The following LRRC1 variants were observed in gnomAD, a reference collection of about 807,000 sequenced individuals.
The protein encoded by LRRC1 is leucine rich repeat containing 1, also known as leucine-rich repeat-containing protein 1.
LRRC1 carries 28 observed loss-of-function variants against 69.9 expected under a neutral mutation model. That is an observed-to-expected ratio of 0.40 (90% CI 0.30 to 0.55). The LOEUF is 0.55. Among genes scored for constraint, LRRC1 ranks in the 20% least tolerant of loss-of-function variants. The pLI, the probability that LRRC1 is intolerant of heterozygous loss-of-function variation, is 0.47. For synonymous variants in LRRC1, 236 were observed against 240.2 expected (o/e 0.98, Z 0.16); for missense variants, 498 against 609.0 (o/e 0.82, Z 1.92).
At chr6:53,894,605 G>T (rs899083971) in intron 4 of LRRC1, among the ~76,000 whole-genome samples, 3 of 152,174 alleles carry the variant, frequency 2.0e-5, no homozygotes, top group Admixed American at 6.5e-5. Context: ...AAATTTAAAT[G>T]TGAAAATAGC....
At chr6:53,829,337 T>C (rs906158296) in intron 1 of LRRC1, among the ~76,000 whole-genome samples, 2 of 152,218 alleles carry the variant, frequency 1.3e-5, no homozygotes, top group Non-Finnish European at 2.9e-5. Context: ...CCTGGCCTAA[T>C]GTCTGGCACT....
chr6:53,874,158 G>A (rs1329814443), intron 2 of LRRC1, among the ~76,000 whole-genome samples: 1 of 152,194 alleles, frequency 6.6e-6, no homozygotes. Flanking sequence ...AAATAGACCT[G>A]TAGTGGTGGG....
At chr6:53,896,167 G>C (rs1040512215) in intron 4 of LRRC1, among the ~76,000 whole-genome samples, 11 of 152,332 alleles carry the variant, frequency 7.2e-5, no homozygotes, top group African/African-American at 2.6e-4. Context: ...TTCAGCTTCT[G>C]TCTCAGTCCT....
intron 2 of LRRC1, among the ~76,000 whole-genome samples, chr6:53,864,600 C>T (rs1766635910): frequency 1.3e-5 from 2 of 152,142 alleles, no homozygotes; most frequent in Non-Finnish European, 2.9e-5. Flanking sequence ...GCTTCTGCAT[C>T]TGTTAATGGG....
At chr6:53,898,739 G>C (rs1294699511) in intron 7 of LRRC1, among the ~76,000 whole-genome samples, 1 of 152,212 alleles carries the variant, frequency 6.6e-6, no homozygotes, top group African/African-American at 2.4e-5. Context: ...CCTGAAATTA[G>C]TATAAATCTA....
rs777989930 is a variant in LRRC1, at chr6:53,795,312, A to G, written c.56A>G (p.Lys19Arg). 6 of 1,613,370 alleles carry G rather than the reference A, an allele frequency of 3.7e-6. No homozygotes were observed. Among genetic ancestry groups the G allele is most frequent in the South Asian group, 3.3e-5 (3 of 91,040 alleles). Reference sequence around the variant, plus strand: ...AACCGTCATGTGGAGAGCATCGACAAGCGCCACTGCTCGCTGGTCTACGTC... The same window carrying G: ...AACCGTCATGTGGAGAGCATCGACAGGCGCCACTGCTCGCTGGTCTACGTC... Reference protein sequence around the residue: ...RCNRHVESIDKRHCSLVYVPE... With the variant: ...RCNRHVESIDRRHCSLVYVPE... Residue 19 changes from lysine to arginine, a missense_variant, in exon 1 of 14, where the codon AAG becomes AGG. Lys to Arg is a conservative substitution (Grantham distance 26). This residue lies in a region of LRRC1 where 70 missense variants were observed against 62.1 expected (regional missense o/e 1.13). Coordinates refer to ENST00000370888, the MANE Select transcript of LRRC1 (RefSeq NM_018214.5).
At position 53,807,788 on chromosome 6, in the gene LRRC1, C is replaced by T. The variant is rs185894897; in HGVS notation, c.159+12373C>T. 2.6e-5 allele frequency among the ~76,000 whole-genome samples: 4 copies of T among 151,880 alleles called. No individual in the cohort carries two copies. In the East Asian group the frequency reaches 7.7e-4, roughly 29 times the overall value. On this transcript the variant is annotated intron_variant, in intron 1 of 13. Coordinates refer to ENST00000370888, the MANE Select transcript of LRRC1 (RefSeq NM_018214.5). ...CAACAACAACAACAACAACACCCCC[C>T]AAAACAAGGAAGTACTGTAGAGAGT...
At chr6:53,800,723 T>A (rs1167151002) in intron 1 of LRRC1, among the ~76,000 whole-genome samples, 2 of 151,860 alleles carry the variant, frequency 1.3e-5, no homozygotes, top group African/African-American at 4.8e-5. Context: ...CACTGCAACC[T>A]CTACCTCCTG....
chr6:53,909,695 T>C (rs893346863), intron 10 of LRRC1, among the ~76,000 whole-genome samples: 1 of 152,186 alleles, frequency 6.6e-6, no homozygotes, highest in Non-Finnish European at 1.5e-5. Flanking sequence ...GCCACACAAT[T>C]GCCAAAAATA....
chr6:53,918,782 AG>A (rs1768647822), intron 11 of LRRC1, among the ~76,000 whole-genome samples: 2 of 152,254 alleles, frequency 1.3e-5, no homozygotes, highest in Admixed American at 6.5e-5. Context: ...ACTAATATTT[AG>A]GTGTCACATT....
intron 2 of LRRC1, among the ~76,000 whole-genome samples, chr6:53,877,370 T>C (rs538024623): frequency 3.3e-5 from 5 of 152,302 alleles, no homozygotes; most frequent in African/African-American, 1.2e-4. Context: ...CTGGAGACAT[T>C]TTTGTCATTG....
intron 1 of LRRC1, among the ~76,000 whole-genome samples, chr6:53,807,488 G>GT (rs1489892678): frequency 6.6e-6 from 1 of 152,238 alleles, no homozygotes; most frequent in Non-Finnish European, 1.5e-5. Flanking sequence ...GCTTACGCCT[G>GT]TAATCCCAGC....
intron 1 of LRRC1, among the ~76,000 whole-genome samples, chr6:53,813,788 C>T (rs1764871328): frequency 6.6e-6 from 1 of 152,006 alleles, no homozygotes; most frequent in Non-Finnish European, 1.5e-5. Flanking sequence ...GAATTGGATT[C>T]TATAGTCTTG....
intron 1 of LRRC1, among the ~76,000 whole-genome samples, chr6:53,816,769 C>T (rs148433898): frequency 2.6e-4 from 40 of 152,140 alleles, no homozygotes; most frequent in Non-Finnish European, 5.1e-4. Context: ...CTCTTCTTTC[C>T]TTGTATTTCT....
Position 53,896,793 on chromosome 6 carries a change from A to C in LRRC1, c.504-36A>C. On this transcript the variant is annotated intron_variant, in intron 5 of 13. Transcript: ENST00000370888. The stretch of plus-strand genomic sequence containing the variant: ...ACTATATTGCTCAGCATTTCTAAGT[A>C]TTCTCTAAGTGCTCTTTATTTATTT... The C allele has an allele frequency of 2.2e-6, 3 of 1,338,730 alleles. No individual in the cohort carries two copies. The South Asian group carries it at 3.6e-5, about 16-fold the overall frequency. The allele number at this position is 1,338,730 out of a possible 1,614,324, so 82.9% of individuals were successfully genotyped here. A position where few individuals can be genotyped will look rare whatever the true frequency, so the allele number is the denominator to read the frequency against.
At chr6:53,830,889 A>G (rs974955568) in intron 1 of LRRC1, among the ~76,000 whole-genome samples, 2 of 149,900 alleles carry the variant, frequency 1.3e-5, no homozygotes, top group Non-Finnish European at 3.0e-5. Flanking sequence ...TGCAAAAGTA[A>G]TTATGGTTTT....
intron 4 of LRRC1, among the ~76,000 whole-genome samples, chr6:53,895,886 C>T (rs936042260): frequency 4.6e-5 from 7 of 152,154 alleles, no homozygotes; most frequent in African/African-American, 1.4e-4. Flanking sequence ...TAAATCAGTC[C>T]GTGTTCCAGG....
chr6:53,891,697 A>C lies in LRRC1; in HGVS notation c.447-4801A>C, dbSNP rs574188901. 1.1e-4 allele frequency among the ~76,000 whole-genome samples: 16 copies of C among 152,240 alleles called. No individual in the cohort carries two copies. In the South Asian group the frequency reaches 3.1e-3, roughly 30 times the overall value. ...GAATATATTGTTGTAAATATATATA[A>C]ATTGGCCGGGTGTGATGGCTCATGC... On this transcript the variant is annotated intron_variant, in intron 4 of 13. Transcript: ENST00000370888.
chr6:53,868,506 G>A (rs1050979009), intron 2 of LRRC1, among the ~76,000 whole-genome samples: 14 of 152,154 alleles, frequency 9.2e-5, no homozygotes, highest in African/African-American at 1.2e-4. Context: ...TATTACAGAC[G>A]TGAGCCACTG....
Sources: gnomAD v4.1 joint callset for allele counts (sites outside exome capture counted in the v4.1 genomes callset) on GRCh38, gnomAD v4.1.1 for gene constraint, gnomAD v4.1.1 regional missense constraint, MANE v1.5 for transcripts, NCBI Gene and HGNC (gene_info 2026-07-23, HGNC 2026-07-21) for gene names.